The following ZBTB4 variants were observed in gnomAD, a reference collection of about 807,000 sequenced individuals.
ZBTB4 encodes the protein zinc finger and BTB domain containing 4.
Under a neutral mutation model 59.8 loss-of-function variants are expected in ZBTB4, and 14 were observed. The observed-to-expected ratio is 0.23, with a 90% CI of 0.15 to 0.37. The LOEUF (loss-of-function observed/expected upper bound fraction) is 0.37. Ranked by LOEUF, ZBTB4 falls within the 10% of genes least tolerant of loss-of-function variation. The probability of loss-of-function intolerance (pLI) is 1.00; values close to 1 mark genes in which losing one functional copy is unlikely to be tolerated. For missense variants in ZBTB4, 1,198 were observed against 1,380.8 expected, an observed-to-expected ratio of 0.87 and a Z score of 2.10; for synonymous variants, 587 against 575.2, an observed-to-expected ratio of 1.02 and a Z score of -0.29.
chr17:7,481,841 C>A, upstream of ZBTB4: 2 of 1,176,154 alleles, frequency 1.7e-6, no homozygotes, highest in African/African-American at 1.5e-5. Flanking sequence ...ATCTTTTAGG[C>A]CCTTTCTAGC....
At position 7,466,484 on chromosome 17, in the gene ZBTB4, GGAAGAA is replaced by G. The variant is rs201334543; in HGVS notation, c.312_317del (p.Ser110_Ser111del). On this transcript the variant is annotated inframe_deletion, in exon 3 of 4. Coordinates refer to ENST00000380599, the MANE Select transcript of ZBTB4 (RefSeq NM_001128833.2). The surrounding 1 kb of genome is among the most constrained non-coding windows in gnomAD (Gnocchi z 9.1). Reference sequence around the variant, plus strand: ...CTGGAGGGGGAGAGGAAGAGGAAGAGGAAGAAGAAGAAGAAGCAGAGGAGGAAGAAG... The same window carrying G: ...CTGGAGGGGGAGAGGAAGAGGAAGAGGAAGAAGAAGCAGAGGAGGAAGAAG... The G allele has an allele frequency of 5.6e-6, 9 of 1,607,548 alleles. No individual in the cohort carries two copies. The highest frequency in any genetic ancestry group is 1.3e-5 in the African/African-American group (1 of 74,552).
At chr17:7,481,976 T>C (rs749972717), upstream of ZBTB4, 1 of 1,575,372 alleles carries the variant, frequency 6.3e-7, no homozygotes, top group East Asian at 2.2e-5. Context: ...TGAGCTCCTT[T>C]CTCCCTAACA....
Position 7,462,854 on chromosome 17 carries a change from T to C in ZBTB4, c.2128A>G (p.Thr710Ala). The change falls in exon 4 of 4, where the codon ACC (threonine) becomes GCC (alanine). Residue 710 changes from threonine (T) to alanine (A), a missense_variant. By Grantham distance (58) the Thr-to-Ala change is moderately conservative. Around this residue, in one of 9 missense-constraint regions of ZBTB4, gnomAD observed 550 missense variants for 541.8 expected, o/e 1.02. Transcript: ENST00000380599. This position sits in a 1 kb window ranked among gnomAD's most constrained non-coding sequence, Gnocchi z 7.5. ...QKLERRSWEE[T>A]PAAESPAGRA... ...CCCGCTGGGCTCTCGGCCGCTGGGG[T>C]TTCCTCCCAGCTCCTCCGTTCCAGC... 6.2e-7 allele frequency: 1 copy of C among 1,604,482 alleles called. No homozygotes were observed. Among genetic ancestry groups the C allele is most frequent in the Non-Finnish European group, 8.5e-7 (1 of 1,179,736 alleles).
In ZBTB4 at chr17:7,463,543, G is replaced by C; in HGVS notation, c.1439C>G (p.Ser480Cys). 1 of 1,587,600 alleles carries C rather than the reference G, an allele frequency of 6.3e-7. No homozygotes were observed. The highest frequency in any genetic ancestry group is 8.6e-7 in the Non-Finnish European group (1 of 1,167,304). ...SVITFAHPAP[S>C]VIVHGGSSSG... ...GCTACTGCCCCCATGGACAATGACA[G>C]AGGGGGCTGGGTGGGCAAAAGTGAT... The change falls in exon 4 of 4, where the codon TCT becomes TGT. Residue 480 changes from serine (S) to cysteine (C), a missense_variant. Around this residue, in one of 9 missense-constraint regions of ZBTB4, gnomAD observed 550 missense variants for 541.8 expected, o/e 1.02. Transcript: ENST00000380599.
upstream of ZBTB4, chr17:7,484,002 A>T (rs1412140325): frequency 6.8e-6 from 1 of 146,160 alleles, no homozygotes; most frequent in Non-Finnish European, 1.5e-5. Flanking sequence ...CGCCGCCATT[A>T]CCGATTCGCA....
chr17:7,463,878 G>A lies in ZBTB4; in HGVS notation c.1104C>T (p.Ile368=), dbSNP rs2070074070. 1 of 1,613,366 alleles carries A rather than the reference G, an allele frequency of 6.2e-7. No homozygotes were observed. The highest frequency in any genetic ancestry group is 1.6e-4 in the Middle Eastern group (1 of 6,062). Residue 368 remains isoleucine, a synonymous_variant, in exon 4 of 4, where the codon ATC becomes ATT. Coordinates refer to ENST00000380599, the MANE Select transcript of ZBTB4 (RefSeq NM_001128833.2). ...WHTGERRYQC[I]FCWETFVTYY... ...AAGTGACAAAGGTCTCCCAACAGAA[G>A]ATGCACTGGTACCTGGGTCAGGACA...
At position 7,462,337 on chromosome 17, in the gene ZBTB4, C is replaced by T. The variant is rs760663282; in HGVS notation, c.2645G>A (p.Gly882Asp). Reference protein sequence around the residue: ...VQEFPLALIGGGREPGGGRGK... With the variant: ...VQEFPLALIGDGREPGGGRGK... Reference sequence around the variant, plus strand: ...CCTGCCACCGCCAGGTTCCCGGCCGCCCCCAATCAAGGCCAGTGGAAATTC... The same window carrying T: ...CCTGCCACCGCCAGGTTCCCGGCCGTCCCCAATCAAGGCCAGTGGAAATTC... The change falls in exon 4 of 4, where the codon GGC becomes GAC. Residue 882 changes from glycine (G) to aspartate (D), a missense_variant. Coordinates refer to ENST00000380599, the MANE Select transcript of ZBTB4 (RefSeq NM_001128833.2). This position sits in a 1 kb window ranked among gnomAD's most constrained non-coding sequence, Gnocchi z 7.5. The T allele has an allele frequency of 5.0e-6, 8 of 1,613,796 alleles. No individual in the cohort carries two copies. Among genetic ancestry groups the T allele is most frequent in the South Asian group, 4.4e-5 (4 of 91,090 alleles).
chr17:7,482,260 C>T, upstream of ZBTB4: 1 of 1,614,044 alleles, frequency 6.2e-7, no homozygotes, highest in Non-Finnish European at 8.5e-7. Flanking sequence ...TGCGTGGCGA[C>T]CCCCTTCTGG....
intron 1 of ZBTB4, among the ~76,000 whole-genome samples, chr17:7,468,191 T>G (rs1456988453): frequency 6.6e-6 from 1 of 152,082 alleles, no homozygotes. Context: ...ACCAACATGG[T>G]GAAACCCACA....
chr17:7,478,632 A>G (rs2070301841), intron 1 of ZBTB4, among the ~76,000 whole-genome samples: 1 of 152,218 alleles, frequency 6.6e-6, no homozygotes, highest in African/African-American at 2.4e-5. Context: ...AACAGGTCAT[A>G]GGTGCAGCAC....
At position 7,463,119 on chromosome 17, in the gene ZBTB4, A is replaced by G. The variant is rs769687672; in HGVS notation, c.1863T>C (p.Thr621=). The G allele has an allele frequency of 2.5e-6, 4 of 1,609,740 alleles. No individual in the cohort carries two copies. In the African/African-American group the frequency reaches 4.0e-5, roughly 16 times the overall value. ...CGCTCAGCTCCCCAGGACGCAGGTC[A>G]GTCTCTGAGATGCGGCGCTTGACGA... ...EAIVKRRISE[T]DLRPGELSGE... Residue 621 remains threonine, a synonymous_variant, in exon 4 of 4, where the codon ACT becomes ACC. Transcript: ENST00000380599.
chr17:7,475,114 T>C (rs189779684), intron 1 of ZBTB4, among the ~76,000 whole-genome samples: 34 of 150,326 alleles, frequency 2.3e-4, no homozygotes, highest in East Asian at 3.9e-4. Context: ...AGGTCAGGGA[T>C]TGACCACCTG....
upstream of ZBTB4, chr17:7,482,157 C>T: frequency 6.2e-7 from 1 of 1,614,176 alleles, no homozygotes; most frequent in Non-Finnish European, 8.5e-7. Context: ...GGCCCCCTTT[C>T]TCATATGGCT....
chr17:7,464,022 G>A (rs1197649368), intron 3 of ZBTB4, 132 bp from the exon 4 acceptor site: 1 of 1,455,854 alleles, frequency 6.9e-7, no homozygotes. Context: ...TCCCTCACCA[G>A]GCCAGCCTCA....
At chr17:7,479,000 C>A (rs569098451) in intron 1 of ZBTB4, among the ~76,000 whole-genome samples, 1 of 152,326 alleles carries the variant, frequency 6.6e-6, no homozygotes, top group Admixed American at 6.5e-5. Flanking sequence ...CCCGCACACC[C>A]CAACTCTGGG....
Position 7,462,140 on chromosome 17 carries a change from G to A in ZBTB4, c.2842C>T (p.Leu948Phe), listed in dbSNP as rs752780851. ...TTCTCATCAGGTAGGACCATGTTGA[G>A]AGCAACCGGGAGAGCGGCCAAGTTA... is the stretch of plus-strand genomic sequence containing the variant. Reference protein sequence around the residue: ...FSNLAALPVALNMVLPDEKGA... With the variant: ...FSNLAALPVAFNMVLPDEKGA... The change falls in exon 4 of 4, where the codon CTC becomes TTC. Residue 948 changes from leucine to phenylalanine, a missense_variant. Around this residue, in one of 9 missense-constraint regions of ZBTB4, gnomAD observed 211 missense variants for 236.1 expected, o/e 0.89. Transcript: ENST00000380599. The surrounding 1 kb of genome is among the most constrained non-coding windows in gnomAD (Gnocchi z 7.5). 1.2e-6 allele frequency: 2 copies of A among 1,613,872 alleles called. No homozygotes were observed. Among genetic ancestry groups the A allele is most frequent in the East Asian group, 2.2e-5 (1 of 44,882 alleles).
chr17:7,462,801 T>C lies in ZBTB4; in HGVS notation c.2181A>G (p.Arg727=), dbSNP rs756087662. ...TGAAGGTCTGGGCACAGTCCCCGCA[T>C]CGGTGCCTCCGCTCTGTGCGGGCAC... is the stretch of plus-strand genomic sequence containing the variant. ...AGRARTERRH[R]CGDCAQTFTT... Residue 727 remains arginine, a synonymous_variant, in exon 4 of 4, where the codon CGA becomes CGG. Transcript: ENST00000380599. The surrounding 1 kb of genome is among the most constrained non-coding windows in gnomAD (Gnocchi z 7.5). 2 of 1,602,620 alleles carry C rather than the reference T, an allele frequency of 1.2e-6. No homozygotes were observed. The highest frequency in any genetic ancestry group is 1.3e-5 in the African/African-American group (1 of 75,050).
At chr17:7,482,589 C>T (rs189169938), upstream of ZBTB4, 227 of 1,612,084 alleles carry the variant, frequency 1.4e-4, no homozygotes, top group Non-Finnish European at 1.8e-4. Context: ...GGAGGACTGG[C>T]GCTGTCCCTG....
intron 1 of ZBTB4, among the ~76,000 whole-genome samples, chr17:7,476,884 A>G (rs960431267): frequency 2.6e-5 from 4 of 152,190 alleles, no homozygotes; most frequent in African/African-American, 9.6e-5. Flanking sequence ...AGGACCATCC[A>G]CTGAATGTTC....
Sources: gnomAD v4.1 joint callset for allele counts (sites outside exome capture counted in the v4.1 genomes callset) on GRCh38, gnomAD v4.1.1 for gene constraint, gnomAD v4.1.1 regional missense constraint, Gnocchi (gnomAD v3.1) non-coding constraint, MANE v1.5 for transcripts, NCBI Gene and HGNC (gene_info 2026-07-23, HGNC 2026-07-21) for gene names.